SLC47A1: variants seen among roughly 807,000 people sequenced by gnomAD.
SLC47A1 encodes the protein multidrug and toxin extrusion protein 1.
Under a neutral mutation model 65.8 loss-of-function variants are expected in SLC47A1, and 58 were observed. The observed-to-expected ratio is 0.88, with a 90% CI of 0.71 to 1.10. SLC47A1 has a LOEUF of 1.10. Ranked by LOEUF, SLC47A1 falls within the 50% of genes least tolerant of loss-of-function variation. The pLI, the probability that SLC47A1 is intolerant of heterozygous loss-of-function variation, is 0.00. For synonymous variants in SLC47A1, 285 were observed against 295.0 expected (o/e 0.97, Z 0.35); for missense variants, 706 against 719.2 (o/e 0.98, Z 0.21).
At chr17:19,569,877 AT>A (rs2084386667) in intron 14 of SLC47A1, among the ~76,000 whole-genome samples, 1 of 152,198 alleles carries the variant, frequency 6.6e-6, no homozygotes, top group South Asian at 2.1e-4. Flanking sequence ...AGAACACTGG[AT>A]TTGAAAGAGG....
chr17:19,560,434 C>T lies in SLC47A1; in HGVS notation c.1047C>T (p.Ala349=), dbSNP rs774523357. 3 of 1,614,176 alleles carry T rather than the reference C, an allele frequency of 1.9e-6. No individual in the cohort carries two copies. Among genetic ancestry groups the T allele is most frequent in the East Asian group, 4.5e-5 (2 of 44,886 alleles). The change falls in exon 12 of 17, where the codon GCC becomes GCT. Residue 349 remains alanine, a synonymous_variant. Coordinates refer to ENST00000270570, the MANE Select transcript of SLC47A1 (RefSeq NM_018242.3). ...SLLITVLFAV[A]FSVLLLSCKD... Reference sequence around the variant, plus strand: ...TACCTTCAGTGCTCTTTGCTGTAGCCTTCAGTGTCCTGCTGTTAAGCTGTA... The same window carrying T: ...TACCTTCAGTGCTCTTTGCTGTAGCTTTCAGTGTCCTGCTGTTAAGCTGTA...
intron 1 of SLC47A1, chr17:19,534,336 T>G: frequency 2.5e-6 from 1 of 406,480 alleles, no homozygotes; most frequent in Non-Finnish European, 4.4e-6. Context: ...GCATGTTGGC[T>G]CGGAGAGGCC....
rs558804766 is a variant in SLC47A1 at position 19,563,375 on chromosome 17, G to A, written c.1106+2882G>A. On this transcript the variant is annotated intron_variant, in intron 12 of 16. Coordinates refer to ENST00000270570, the MANE Select transcript of SLC47A1 (RefSeq NM_018242.3). ...TCTCGATCTCCTGACCTTGTGATCCGCCCGCCTCGGCCTCCCAAAGTGCTG... is the reference window on the plus strand; with the variant it reads ...TCTCGATCTCCTGACCTTGTGATCCACCCGCCTCGGCCTCCCAAAGTGCTG... Among the ~76,000 whole-genome samples the A allele has an allele frequency of 1.4e-4, 21 of 151,632 alleles. No individual in the cohort carries two copies. In the East Asian group the frequency reaches 1.8e-3, roughly 13 times the overall value.
chr17:19,573,884 C>T (rs2084418822), intron 16 of SLC47A1, among the ~76,000 whole-genome samples: 1 of 151,072 alleles, frequency 6.6e-6, no homozygotes, highest in Admixed American at 6.6e-5. Flanking sequence ...TGTGCTGCAG[C>T]CAGTGTGAGG....
intron 6 of SLC47A1, among the ~76,000 whole-genome samples, chr17:19,552,595 C>A (rs563693299): frequency 2.0e-5 from 3 of 152,142 alleles, no homozygotes; most frequent in African/African-American, 7.2e-5. Flanking sequence ...CTGCTGAGGA[C>A]AATGAGTGTG....
intron 1 of SLC47A1, among the ~76,000 whole-genome samples, chr17:19,541,860 C>A (rs1267803385): frequency 6.6e-6 from 1 of 152,196 alleles, no homozygotes; most frequent in South Asian, 2.1e-4. Context: ...GGCGCAGTGG[C>A]TCACGCCTGT....
chr17:19,571,263 G>A (rs1164423058), intron 14 of SLC47A1, among the ~76,000 whole-genome samples: 2 of 152,056 alleles, frequency 1.3e-5, no homozygotes, highest in Non-Finnish European at 2.9e-5. Context: ...TTTTGGGGGT[G>A]GCCTCAAGGA....
At position 19,555,679 on chromosome 17, in the gene SLC47A1, CTACATGGGGAGGTAATGACTGCCCT is replaced by C; in HGVS notation, c.730_739+15del. ...ATCCTCGGGAAAAAACTGCATCAAGCTACATGGGGAGGTAATGACTGCCCTTTTGTCTTCCAACTGGGATGTGGGT... is the reference window on the plus strand; with the variant it reads ...ATCCTCGGGAAAAAACTGCATCAAGCTTTGTCTTCCAACTGGGATGTGGGT... On this transcript the variant is annotated splice_donor_variant and splice_donor_5th_base_variant and coding_sequence_variant and intron_variant, in exon 8 of 17. Coordinates refer to ENST00000270570, the MANE Select transcript of SLC47A1 (RefSeq NM_018242.3). LOFTEE classifies it high-confidence loss of function. 6.2e-7 allele frequency: 1 copy of C among 1,614,180 alleles called. No individual in the cohort carries two copies. Among genetic ancestry groups the C allele is most frequent in the South Asian group, 1.1e-5 (1 of 91,080 alleles).
At chr17:19,576,356 T>TC (rs1232579677) in intron 16 of SLC47A1, among the ~76,000 whole-genome samples, 1 of 146,642 alleles carries the variant, frequency 6.8e-6, no homozygotes, top group East Asian at 2.0e-4. Flanking sequence ...CCTTCCTTTT[T>TC]TTTTTTTTTT....
intron 14 of SLC47A1, 21 bp downstream of exon 14, chr17:19,567,249 G>T: frequency 6.2e-7 from 1 of 1,613,826 alleles, no homozygotes; most frequent in Non-Finnish European, 8.5e-7. Flanking sequence ...ACCTCTGCAG[G>T]CAGGGCTTAG....
chr17:19,577,086 T>C (rs1393030988), intron 16 of SLC47A1, among the ~76,000 whole-genome samples: 4 of 152,088 alleles, frequency 2.6e-5, no homozygotes, highest in Non-Finnish European at 4.4e-5. Context: ...CTTATTTCTC[T>C]AGCTCCTGGG....
rs117159401 is a variant in SLC47A1 at position 19,550,597 on chromosome 17, G to A, written c.499-827G>A. Among the ~76,000 whole-genome samples, 1,018 of 152,300 alleles carry A rather than the reference G, an allele frequency of 6.7e-3. 36 individuals carry two copies. In the East Asian group the frequency reaches 0.08, roughly 12 times the overall value. On this transcript the variant is annotated intron_variant, in intron 5 of 16. Coordinates refer to ENST00000270570, the MANE Select transcript of SLC47A1 (RefSeq NM_018242.3). Reference sequence around the variant, plus strand: ...TCCCGAAGTGTTGGGTTGCATGTGTGAGCCACCACACCTGGCCTGAGAGCT... The same window carrying A: ...TCCCGAAGTGTTGGGTTGCATGTGTAAGCCACCACACCTGGCCTGAGAGCT...
chr17:19,534,290 C>G (rs1259402079), intron 1 of SLC47A1: 1 of 530,888 alleles, frequency 1.9e-6, no homozygotes, highest in Non-Finnish European at 3.1e-6. Flanking sequence ...GGGGGCCCCG[C>G]GGGGCACTGC....
At chr17:19,536,841 T>A (rs1174279011) in intron 1 of SLC47A1, among the ~76,000 whole-genome samples, 1 of 152,204 alleles carries the variant, frequency 6.6e-6, no homozygotes, top group African/African-American at 2.4e-5. Context: ...CCATCTCCCT[T>A]CCAGACCTCT....
At chr17:19,546,577 G>A (rs965140754) in intron 3 of SLC47A1, 74 bp downstream of exon 3, 7 of 1,423,738 alleles carry the variant, frequency 4.9e-6, no homozygotes, top group Non-Finnish European at 5.9e-6. Flanking sequence ...GAGCTCCACT[G>A]GCAGGAAGAG....
intron 1 of SLC47A1, among the ~76,000 whole-genome samples, chr17:19,540,735 C>A (rs760071505): frequency 2.0e-5 from 3 of 152,150 alleles, no homozygotes; most frequent in Non-Finnish European, 2.9e-5. Flanking sequence ...GCGCTCCTCA[C>A]GTTCAGTAGC....
intron 10 of SLC47A1, among the ~76,000 whole-genome samples, chr17:19,559,550 GAGA>G (rs1033021480): frequency 3.9e-4 from 59 of 152,198 alleles, no homozygotes; most frequent in African/African-American, 1.4e-3. Flanking sequence ...TATTTATTTT[GAGA>G]AGGAGTTTCA....
rs1455586839 is a variant in SLC47A1, at chr17:19,548,120, C to G, written c.442C>G (p.Pro148Ala). 2 of 1,613,134 alleles carry G rather than the reference C, an allele frequency of 1.2e-6. No individual in the cohort carries two copies. The highest frequency in any genetic ancestry group is 1.6e-4 in the Middle Eastern group (1 of 6,084). ...QHILLLFRQD[P>A]DVSRLTQTYV... ...CATCCTGCTGCTCTTCAGGCAGGAC[C>G]CAGATGTGTCCAGGTAAGATGGAAC... is the stretch of plus-strand genomic sequence containing the variant. Residue 148 changes from proline (P) to alanine (A), a missense_variant, in exon 4 of 17, where the codon CCA (proline) becomes GCA (alanine). Physicochemically the swap from Pro to Ala is conservative, Grantham distance 27 (BLOSUM62 -1). Coordinates refer to ENST00000270570, the MANE Select transcript of SLC47A1 (RefSeq NM_018242.3).
At chr17:19,536,390 C>T (rs1375895890) in intron 1 of SLC47A1, among the ~76,000 whole-genome samples, 1 of 152,126 alleles carries the variant, frequency 6.6e-6, no homozygotes, top group Admixed American at 6.6e-5. Context: ...CTGGGGACCT[C>T]ACCTTTTCTC....
Sources: gnomAD v4.1 joint callset for allele counts (sites outside exome capture counted in the v4.1 genomes callset) on GRCh38, gnomAD v4.1.1 for gene constraint, MANE v1.5 for transcripts, NCBI Gene and HGNC (gene_info 2026-07-23, HGNC 2026-07-21) for gene names.